CDV3: variants seen among roughly 807,000 people sequenced by gnomAD.
CDV3 encodes the protein CDV3 homolog.
CDV3 carries 14 observed loss-of-function variants against 24.5 expected under a neutral mutation model. That is an observed-to-expected ratio of 0.57 (90% CI 0.38 to 0.89). The LOEUF is 0.89. Among genes scored for constraint, CDV3 ranks in the 40% least tolerant of loss-of-function variants. The pLI, the probability that CDV3 is intolerant of heterozygous loss-of-function variation, is 0.00. For missense variants in CDV3, 304 were observed against 310.2 expected, an observed-to-expected ratio of 0.98 and a Z score of 0.15; for synonymous variants, 114 against 114.1, an observed-to-expected ratio of 1.00 and a Z score of 0.00.
intron 4 of CDV3, 89 bp from the exon 5 acceptor site, chr3:133,587,807 G>C: frequency 6.6e-7 from 1 of 1,512,038 alleles, no homozygotes; most frequent in Non-Finnish European, 8.8e-7. Flanking sequence ...TTCTTCTAAG[G>C]GGTGGCTTTT....
At chr3:133,574,642 T>C (rs1215200922) in intron 1 of CDV3, 1 of 1,029,214 alleles carries the variant, frequency 9.7e-7, no homozygotes, top group Non-Finnish European at 1.2e-6. Context: ...CCCAGTAGTT[T>C]GAGCTGAATT....
At chr3:133,582,952 T>A (rs149006112) in intron 2 of CDV3, among the ~76,000 whole-genome samples, 1 of 152,180 alleles carries the variant, frequency 6.6e-6, no homozygotes, top group Non-Finnish European at 1.5e-5. Flanking sequence ...ATTTAGGACA[T>A]GTAAAGTTAC....
At chr3:133,584,857 G>A (rs1933422612) in intron 3 of CDV3, among the ~76,000 whole-genome samples, 1 of 152,046 alleles carries the variant, frequency 6.6e-6, no homozygotes, top group African/African-American at 2.4e-5. Context: ...ATAGTATATC[G>A]CAGTATTAAA....
chr3:133,578,609 T>C (rs553655434), intron 2 of CDV3, among the ~76,000 whole-genome samples: 2 of 152,340 alleles, frequency 1.3e-5, no homozygotes, highest in South Asian at 2.1e-4. Flanking sequence ...CATTTCATCA[T>C]CCATGAAGGG....
At chr3:133,574,413 G>C in intron 1 of CDV3, 129 bp downstream of exon 1, 8 of 976,102 alleles carry the variant, frequency 8.2e-6, no homozygotes, top group Non-Finnish European at 9.7e-6. Flanking sequence ...GGGCCGCCAC[G>C]TGACGCAGGC....
At position 133,573,948 on chromosome 3, in the gene CDV3, CAG is replaced by C; in HGVS notation, c.-96_-95del. ...GGGGCTGAGGCGTCGCCGCGCCCGG[CAG>C]CGTGAGCGCAGAGCCGGCCTCGACC... On this transcript the variant is annotated 5_prime_UTR_variant, in exon 1 of 5. Coordinates refer to ENST00000264993, the MANE Select transcript of CDV3 (RefSeq NM_017548.5). 1 of 962,884 alleles carries C rather than the reference CAG, an allele frequency of 1.0e-6. No individual in the cohort carries two copies. The highest frequency in any genetic ancestry group is 1.2e-6 in the Non-Finnish European group (1 of 807,982). The allele number at this position is 962,884 out of a possible 1,614,324, so 59.6% of individuals were successfully genotyped here. A position where few individuals can be genotyped will look rare whatever the true frequency, so the allele number is the denominator to read the frequency against.
At chr3:133,580,233 T>C (rs908005735) in intron 2 of CDV3, among the ~76,000 whole-genome samples, 1 of 152,092 alleles carries the variant, frequency 6.6e-6, no homozygotes, top group African/African-American at 2.4e-5. Context: ...TGGTTTTCTG[T>C]CCTTGTGATA....
intron 3 of CDV3, among the ~76,000 whole-genome samples, chr3:133,584,542 A>G (rs1344822420): frequency 1.3e-5 from 2 of 152,232 alleles, no homozygotes; most frequent in African/African-American, 4.8e-5. Context: ...TTTAGTGGTA[A>G]CTACCCTAGG....
chr3:133,587,172 T>G, intron 4 of CDV3: 1 of 1,349,428 alleles, frequency 7.4e-7, no homozygotes, highest in Non-Finnish European at 9.8e-7. Context: ...GTACTTAAAA[T>G]GAATGCTACC....
At chr3:133,586,021 T>C (rs1458684405) in intron 3 of CDV3, among the ~76,000 whole-genome samples, 2 of 152,234 alleles carry the variant, frequency 1.3e-5, no homozygotes, top group African/African-American at 4.8e-5. Context: ...GAACTCATCA[T>C]TTACGTAGAT....
At chr3:133,582,016 A>C (rs1933079200) in intron 2 of CDV3, among the ~76,000 whole-genome samples, 1 of 152,066 alleles carries the variant, frequency 6.6e-6, no homozygotes, top group Non-Finnish European at 1.5e-5. Flanking sequence ...TTCCTCTCAG[A>C]TAAAGTTGTA....
Position 133,587,925 on chromosome 3 carries a change from T to G in CDV3, c.656T>G (p.Val219Gly), listed in dbSNP as rs371435315. 3.7e-6 allele frequency: 6 copies of G among 1,612,140 alleles called. No homozygotes were observed. In the South Asian group the frequency reaches 6.6e-5, roughly 18 times the overall value. Residue 219 changes from valine to glycine, a missense_variant, in exon 5 of 5, where the codon GTA becomes GGA. Around this residue, in one of 3 missense-constraint regions of CDV3, gnomAD observed 56 missense variants for 50.9 expected, o/e 1.10. Transcript: ENST00000264993. ...KDKEMEKSFE[V>G]VRHKNRGRDE... Reference sequence around the variant, plus strand: ...AAAGAAATGGAGAAGAGCTTTGAAGTAGTAAGACACAAAAATAGAGGTAGG... The same window carrying G: ...AAAGAAATGGAGAAGAGCTTTGAAGGAGTAAGACACAAAAATAGAGGTAGG...
chr3:133,575,225 T>TA (rs1287534398), intron 2 of CDV3, 110 bp downstream of exon 2: 1 of 642,718 alleles, frequency 1.6e-6, no homozygotes, highest in Non-Finnish European at 2.8e-6. Context: ...GTGCTCTAGA[T>TA]ATGCTTATTA....
At chr3:133,587,357 AT>A (rs1933717174) in intron 4 of CDV3, 3 of 1,240,956 alleles carry the variant, frequency 2.4e-6, no homozygotes, top group African/African-American at 3.1e-5. Context: ...GCTGGCTTGA[AT>A]TTAAACCTCC....
chr3:133,579,733 G>C (rs11919027), intron 2 of CDV3, among the ~76,000 whole-genome samples: 19,945 of 151,962 alleles, frequency 0.13, 1,831 homozygotes, highest in African/African-American at 0.27. Context: ...GCTGGGATTA[G>C]AGGCATGTGC....
intron 1 of CDV3, chr3:133,574,837 C>A: frequency 1.4e-6 from 1 of 736,728 alleles, no homozygotes. Flanking sequence ...AGGAACCCAG[C>A]GGAAGTATAG....
chr3:133,580,671 C>A (rs921251914), intron 2 of CDV3, among the ~76,000 whole-genome samples: 4 of 151,896 alleles, frequency 2.6e-5, no homozygotes, highest in Admixed American at 1.3e-4. Flanking sequence ...CATTGCACTC[C>A]AGTCTGGGCA....
chr3:133,585,767 G>A (rs746948261), intron 3 of CDV3, among the ~76,000 whole-genome samples: 3 of 152,176 alleles, frequency 2.0e-5, no homozygotes, highest in Non-Finnish European at 4.4e-5. Flanking sequence ...GAAGTGCTAG[G>A]ATTACAGGCT....
intron 1 of CDV3, 71 bp downstream of exon 1, chr3:133,574,355 GC>G (rs1257033514): frequency 9.7e-5 from 90 of 923,152 alleles, no homozygotes; most frequent in Non-Finnish European, 1.1e-4. Context: ...GCCCCCGCCT[GC>G]CGGGGAAGCG....
Sources: gnomAD v4.1 joint callset for allele counts (sites outside exome capture counted in the v4.1 genomes callset) on GRCh38, gnomAD v4.1.1 for gene constraint, gnomAD v4.1.1 regional missense constraint, MANE v1.5 for transcripts, NCBI Gene and HGNC (gene_info 2026-07-23, HGNC 2026-07-21) for gene names.